Variants in ACBD5 observed in about 807,000 individuals in gnomAD.
The protein encoded by ACBD5 is acyl-CoA binding domain containing 5.
In ACBD5, 40 loss-of-function variants were observed where a neutral mutation model predicts 71.8. The ratio of observed to expected loss-of-function variants is 0.56; its 90% CI spans 0.43 to 0.72. The LOEUF (loss-of-function observed/expected upper bound fraction) is 0.72. Ranked by LOEUF, ACBD5 falls within the 30% of genes least tolerant of loss-of-function variation. The probability of loss-of-function intolerance (pLI) is 0.00; values close to 1 mark genes in which losing one functional copy is unlikely to be tolerated. For missense variants in ACBD5, 559 were observed against 644.5 expected, an observed-to-expected ratio of 0.87 and a Z score of 1.44; for synonymous variants, 229 against 218.6, an observed-to-expected ratio of 1.05 and a Z score of -0.42.
chr10:27,196,934 C>T lies in ACBD5; in HGVS notation c.*496G>A, dbSNP rs1176012716. ...TGACCATTCTTCCTGTGGTTTTCTA[C>T]TACATGCCATGGCAACTCCGTGACT... On this transcript the variant is annotated 3_prime_UTR_variant, in exon 13 of 13. Coordinates refer to ENST00000396271, the MANE Select transcript of ACBD5 (RefSeq NM_145698.5). 6.6e-6 allele frequency: 3 copies of T among 454,188 alleles called. No individual in the cohort carries two copies. Among genetic ancestry groups the T allele is most frequent in the Non-Finnish European group, 1.3e-5 (3 of 226,802 alleles). 28.1% of individuals were successfully genotyped at this position (454,188 alleles called of 1,614,324 possible).
intron 6 of ACBD5, 152 bp downstream of exon 6, chr10:27,219,571 G>A: frequency 1.1e-6 from 1 of 951,362 alleles, no homozygotes; most frequent in South Asian, 1.4e-5. Context: ...ATGTAGTAGA[G>A]CCTTTTGGTC....
upstream of ACBD5, among the ~76,000 whole-genome samples, chr10:27,241,576 G>A (rs956387487): frequency 5.3e-5 from 8 of 152,174 alleles, no homozygotes; most frequent in Admixed American, 1.3e-4. Flanking sequence ...AGGAGACTGG[G>A]CATGGGGACG....
chr10:27,185,777 AC>A (rs2058683864), intron 13 of ACBD5, among the ~76,000 whole-genome samples: 1 of 117,462 alleles, frequency 8.5e-6, no homozygotes, highest in Non-Finnish European at 1.9e-5. Context: ...CTGGAGAGAG[AC>A]TCCATTTCAA....
intron 2 of ACBD5, among the ~76,000 whole-genome samples, chr10:27,236,024 G>T (rs2064632318): frequency 6.6e-6 from 1 of 151,380 alleles, no homozygotes; most frequent in East Asian, 1.9e-4. Flanking sequence ...AAGCAGAGAG[G>T]ATCTCCTGAG....
At chr10:27,185,976 C>T (rs1259470537) in intron 13 of ACBD5, among the ~76,000 whole-genome samples, 5 of 152,052 alleles carry the variant, frequency 3.3e-5, no homozygotes, top group African/African-American at 1.2e-4. Flanking sequence ...GTAATCCCAG[C>T]TACTCGGGAG....
intron 3 of ACBD5, 25 bp from the exon 4 acceptor site, chr10:27,231,845 TGACAAAGA>T: frequency 6.2e-7 from 1 of 1,603,248 alleles, no homozygotes; most frequent in South Asian, 1.1e-5. Flanking sequence ...ATCCACAAAA[TGACAAAGA>T]GACATCTGAT....
upstream of ACBD5, among the ~76,000 whole-genome samples, chr10:27,241,304 G>A (rs1486253256): frequency 3.3e-5 from 5 of 152,252 alleles, no homozygotes; most frequent in African/African-American, 1.2e-4. Flanking sequence ...AAGTCACTTA[G>A]CCTTTCCAGT....
At chr10:27,190,907 T>C (rs953918338), downstream of ACBD5, among the ~76,000 whole-genome samples, 1 of 152,104 alleles carries the variant, frequency 6.6e-6, no homozygotes, top group African/African-American at 2.4e-5. Context: ...GCTTGAGCAG[T>C]TGGGTGGATT....
At chr10:27,205,142 C>A (rs1368645115) in intron 11 of ACBD5, 56 bp downstream of exon 11, 17 of 1,555,920 alleles carry the variant, frequency 1.1e-5, no homozygotes, top group Non-Finnish European at 1.5e-5. Flanking sequence ...AAAACAAAAA[C>A]AACAACAAAA....
chr10:27,237,464 A>G lies in ACBD5; in HGVS notation c.182-2252T>C, dbSNP rs571872212. On this transcript the variant is annotated intron_variant, in intron 2 of 12. Transcript: ENST00000396271. ...AAAACTCCAAGATCTTGCTCTTTGCATAATGATTCAGAGCAAATCAAATGG... is the reference window on the plus strand; with the variant it reads ...AAAACTCCAAGATCTTGCTCTTTGCGTAATGATTCAGAGCAAATCAAATGG... 1.2e-4 allele frequency among the ~76,000 whole-genome samples: 18 copies of G among 152,356 alleles called. No homozygotes were observed. In the South Asian group the frequency reaches 3.7e-3, roughly 32 times the overall value.
At chr10:27,238,539 T>A (rs2065052105) in intron 2 of ACBD5, among the ~76,000 whole-genome samples, 1 of 152,218 alleles carries the variant, frequency 6.6e-6, no homozygotes, top group African/African-American at 2.4e-5. Flanking sequence ...AATACCTAAA[T>A]AAGTTCATGC....
rs1299943443 is a variant in ACBD5, at chr10:27,186,316, C to G, written c.1494-3601G>C. 4 of 1,435,624 alleles carry G rather than the reference C, an allele frequency of 2.8e-6. No homozygotes were observed. The African/African-American group carries it at 5.6e-5, about 20-fold the overall frequency. 88.9% of individuals were successfully genotyped at this position (1,435,624 alleles called of 1,614,324 possible). ...GAGACATTCTCTTTTTATAATAATT[C>G]CTGTAAAGCAGTACTTACTTAGGTA... is the stretch of plus-strand genomic sequence containing the variant. On this transcript the variant is annotated intron_variant, in intron 13 of 13. Coordinates refer to the ACBD5 transcript ENST00000676511.
Position 27,210,885 on chromosome 10 carries a change from T to C in ACBD5, c.1133A>G (p.Asn378Ser). 3 of 1,614,240 alleles carry C rather than the reference T, an allele frequency of 1.9e-6. No homozygotes were observed. Among genetic ancestry groups the C allele is most frequent in the Non-Finnish European group, 2.5e-6 (3 of 1,180,042 alleles). Residue 378 changes from asparagine to serine, a missense_variant, in exon 9 of 13, where the codon AAC becomes AGC. Asn to Ser is a conservative substitution (Grantham distance 46). Transcript: ENST00000396271. The stretch of plus-strand genomic sequence containing the variant: ...CTTCTCCCGGTGTGGTGCTCCGCTG[T>C]TATTCCTGCCATCTTCTCCTCCATG... ...VKHGGEDGRN[N>S]SGAPHREKRG...
At position 27,196,275 on chromosome 10, in the gene ACBD5, A is replaced by C. The variant is rs762388793; in HGVS notation, c.*1155T>G. 3 of 454,112 alleles carry C rather than the reference A, an allele frequency of 6.6e-6. No individual in the cohort carries two copies. The highest frequency in any genetic ancestry group is 4.7e-5 in the South Asian group (3 of 64,476). 28.1% of individuals were successfully genotyped at this position (454,112 alleles called of 1,614,324 possible). On this transcript the variant is annotated 3_prime_UTR_variant, in exon 13 of 13. Coordinates refer to ENST00000396271, the MANE Select transcript of ACBD5 (RefSeq NM_145698.5). ...CACAAGGTACATCTAAGTGAGCAGG[A>C]AGTTTTGGAAGGCATACAGGAAAAG...
At position 27,204,459 on chromosome 10, in the gene ACBD5, A is replaced by G. The variant is rs1209823567; in HGVS notation, c.1546T>C (p.Tyr516His). 3 of 1,613,802 alleles carry G rather than the reference A, an allele frequency of 1.9e-6. No individual in the cohort carries two copies. Among genetic ancestry groups the G allele is most frequent in the Admixed American group, 3.3e-5 (2 of 60,022 alleles). The change falls in exon 12 of 13, where the codon TAC becomes CAC. Residue 516 changes from tyrosine to histidine, a missense_variant. Transcript: ENST00000396271. ...TCTTACCTTCTCCTTCTTTGATAGT[A>G]TAAATACACCAACCACTGTGCAATA... is the stretch of plus-strand genomic sequence containing the variant. Reference protein sequence around the residue: ...PFIAQWLVYLYYQRRRRKLN With the variant: ...PFIAQWLVYLHYQRRRRKLN
chr10:27,231,942 G>T, intron 3 of ACBD5, 122 bp from the exon 4 acceptor site: 1 of 929,626 alleles, frequency 1.1e-6, no homozygotes, highest in Non-Finnish European at 1.7e-6. Flanking sequence ...AGCCATAACA[G>T]GATTGTCTTA....
At position 27,196,935 on chromosome 10, in the gene ACBD5, T is replaced by A. The variant is rs1350066454; in HGVS notation, c.*495A>T. ...GACCATTCTTCCTGTGGTTTTCTACTACATGCCATGGCAACTCCGTGACTA... is the reference window on the plus strand; with the variant it reads ...GACCATTCTTCCTGTGGTTTTCTACAACATGCCATGGCAACTCCGTGACTA... On this transcript the variant is annotated 3_prime_UTR_variant, in exon 13 of 13. Transcript: ENST00000396271. 3 of 454,232 alleles carry A rather than the reference T, an allele frequency of 6.6e-6. No individual in the cohort carries two copies. Among genetic ancestry groups the A allele is most frequent in the Non-Finnish European group, 1.3e-5 (3 of 226,794 alleles). 28.1% of individuals were successfully genotyped at this position (454,232 alleles called of 1,614,324 possible).
At position 27,184,514 on chromosome 10, in the gene ACBD5, C is replaced by T. The variant is rs191797938; in HGVS notation, c.1494-1799G>A. On this transcript the variant is annotated intron_variant, in intron 13 of 13. Transcript: ENST00000676511. ...GAGTGTCTGAATGCAACATATTGGT[C>T]AGATTGCCATTATAAAAAACACTAT... 3.3e-3 allele frequency among the ~76,000 whole-genome samples: 485 copies of T among 146,434 alleles called. 1 individual carries two copies. Among genetic ancestry groups the T allele is most frequent in the African/African-American group, 0.012 (462 of 39,830 alleles).
At position 27,196,258 on chromosome 10, in the gene ACBD5, A is replaced by C. The variant is rs944840790; in HGVS notation, c.*1172T>G. On this transcript the variant is annotated 3_prime_UTR_variant, in exon 13 of 13. Transcript: ENST00000396271. ...CAAAGAAATCTTCAAAGCACAAGGT[A>C]CATCTAAGTGAGCAGGAAGTTTTGG... 1 of 454,006 alleles carries C rather than the reference A, an allele frequency of 2.2e-6. No individual in the cohort carries two copies. Among genetic ancestry groups the C allele is most frequent in the African/African-American group, 2.0e-5 (1 of 50,026 alleles). 28.1% of individuals were successfully genotyped at this position (454,006 alleles called of 1,614,324 possible).
Sources: gnomAD v4.1 joint callset for allele counts (sites outside exome capture counted in the v4.1 genomes callset) on GRCh38, gnomAD v4.1.1 for gene constraint, MANE v1.5 for transcripts, NCBI Gene and HGNC (gene_info 2026-07-23, HGNC 2026-07-21) for gene names.